The following AVEN variants were observed in gnomAD, a reference collection of about 807,000 sequenced individuals.
AVEN encodes the protein apoptosis and caspase activation inhibitor, also known as cell death regulator Aven.
AVEN carries 41 observed loss-of-function variants against 38.1 expected under a neutral mutation model. That is an observed-to-expected ratio of 1.08 (90% CI 0.84 to 1.40). The LOEUF (loss-of-function observed/expected upper bound fraction) is 1.40. Among genes scored for constraint, AVEN ranks in the 40% most tolerant of loss-of-function variants. AVEN has a pLI of 0.00. For missense variants in AVEN, 605 were observed against 438.8 expected (o/e 1.38, Z -3.38); for synonymous variants, 206 against 171.8 (o/e 1.20, Z -1.56).
intron 2 of AVEN, among the ~76,000 whole-genome samples, chr15:33,885,990 A>C (rs1006816070): frequency 6.6e-6 from 1 of 152,202 alleles, no homozygotes; most frequent in Non-Finnish European, 1.5e-5. Context: ...AAGCTGAATA[A>C]ATAAGGGAAT....
At chr15:33,881,872 C>T (rs1891498916) in intron 2 of AVEN, among the ~76,000 whole-genome samples, 1 of 152,096 alleles carries the variant, frequency 6.6e-6, no homozygotes, top group Non-Finnish European at 1.5e-5. Context: ...GTGGATCTGA[C>T]TAAAAGGTAT....
At chr15:34,009,524 T>C (rs1359290650) in intron 1 of AVEN, among the ~76,000 whole-genome samples, 1 of 152,122 alleles carries the variant, frequency 6.6e-6, no homozygotes. Context: ...TCACTTTAGA[T>C]TCAAAGATAC....
At chr15:33,961,831 A>G (rs997021271) in intron 2 of AVEN, among the ~76,000 whole-genome samples, 12 of 150,924 alleles carry the variant, frequency 8.0e-5, no homozygotes, top group East Asian at 1.9e-4. Flanking sequence ...AAAAAAAAAA[A>G]AAAAAAAGAA....
chr15:33,973,479 G>A (rs1428178351), intron 2 of AVEN, among the ~76,000 whole-genome samples: 1 of 152,136 alleles, frequency 6.6e-6, no homozygotes, highest in African/African-American at 2.4e-5. Context: ...AATACCTACA[G>A]AAGAGCTTCT....
intron 1 of AVEN, among the ~76,000 whole-genome samples, chr15:34,008,909 T>C (rs1274571966): frequency 1.4e-5 from 2 of 147,980 alleles, no homozygotes. Context: ...ACCCACTCCA[T>C]TTTGTTAAGA....
chr15:33,855,702 TATACACATA>T (rs764926931), downstream of AVEN, among the ~76,000 whole-genome samples: 77 of 152,302 alleles, frequency 5.1e-4, no homozygotes, highest in Admixed American at 8.5e-4. Context: ...ATATGGTTGT[TATACACATA>T]GTACACATTT....
downstream of AVEN, among the ~76,000 whole-genome samples, chr15:33,861,348 C>T (rs989349612): frequency 1.3e-5 from 2 of 152,136 alleles, no homozygotes; most frequent in East Asian, 1.9e-4. Context: ...GTGTGATAGA[C>T]GTGTGTTGTG....
chr15:33,954,314 A>ACT (rs1398688415), intron 2 of AVEN, among the ~76,000 whole-genome samples: 1 of 152,264 alleles, frequency 6.6e-6, no homozygotes, highest in Non-Finnish European at 1.5e-5. Flanking sequence ...ATATACCCAA[A>ACT]GGATTATAAA....
At chr15:33,878,594 T>G (rs1891352228) in intron 2 of AVEN, among the ~76,000 whole-genome samples, 1 of 152,182 alleles carries the variant, frequency 6.6e-6, no homozygotes, top group South Asian at 2.1e-4. Context: ...TGAAAAAATT[T>G]TAATACATAA....
At chr15:34,007,372 C>T (rs1392242489) in intron 1 of AVEN, among the ~76,000 whole-genome samples, 1 of 152,184 alleles carries the variant, frequency 6.6e-6, no homozygotes, top group Non-Finnish European at 1.5e-5. Flanking sequence ...AACAGAAGAG[C>T]CGACGGCCCC....
At chr15:33,940,536 G>A (rs1894274822) in intron 2 of AVEN, among the ~76,000 whole-genome samples, 1 of 151,926 alleles carries the variant, frequency 6.6e-6, no homozygotes, top group Non-Finnish European at 1.5e-5. Flanking sequence ...GTCTTTGCAA[G>A]ATGTGAAATT....
chr15:33,935,059 G>A (rs560295422), intron 2 of AVEN, among the ~76,000 whole-genome samples: 2 of 152,216 alleles, frequency 1.3e-5, no homozygotes, highest in African/African-American at 2.4e-5. Context: ...GCTCTTTCCC[G>A]GGGTGGAACG....
chr15:33,865,490 T>G (rs890656221), downstream of AVEN: 7 of 410,194 alleles, frequency 1.7e-5, no homozygotes, highest in Non-Finnish European at 2.6e-5. Flanking sequence ...CTTCAAGTTT[T>G]CCAGTTCTGA....
intron 2 of AVEN, among the ~76,000 whole-genome samples, chr15:33,946,106 G>A (rs944859929): frequency 6.6e-6 from 1 of 152,136 alleles, no homozygotes; most frequent in South Asian, 2.1e-4. Flanking sequence ...GAAGGGCCCA[G>A]CTTCTGGTTA....
intron 5 of AVEN, among the ~76,000 whole-genome samples, chr15:34,044,668 T>G (rs1899619173): frequency 6.6e-6 from 1 of 152,190 alleles, no homozygotes; most frequent in African/African-American, 2.4e-5. Flanking sequence ...CCCCATAGCC[T>G]GTGGCAGGAG....
intron 2 of AVEN, among the ~76,000 whole-genome samples, chr15:33,963,819 C>T (rs1329407980): frequency 1.6e-5 from 2 of 125,732 alleles, no homozygotes; most frequent in Non-Finnish European, 1.8e-5. Context: ...AAAAAGAAAA[C>T]GAACAAACAA....
At chr15:34,056,363 T>C (rs931113681) in intron 5 of AVEN, among the ~76,000 whole-genome samples, 1 of 152,232 alleles carries the variant, frequency 6.6e-6, no homozygotes, top group Admixed American at 6.5e-5. Context: ...CATTGTTTTT[T>C]ACTAAAATGC....
upstream of AVEN, among the ~76,000 whole-genome samples, chr15:34,042,396 G>GTTTTTTT (rs35456951): frequency 7.7e-6 from 1 of 130,386 alleles, no homozygotes; most frequent in African/African-American, 3.0e-5. Context: ...CATGACCTAA[G>GTTTTTTT]TTTTTTTTTT....
downstream of AVEN, chr15:33,865,811 TTA>T (rs998263414): frequency 9.8e-5 from 15 of 152,902 alleles, no homozygotes; most frequent in African/African-American, 1.7e-4. Context: ...TGCAAGTTTT[TTA>T]TGTTTGTGTT....
Sources: gnomAD v4.1 joint callset for allele counts (sites outside exome capture counted in the v4.1 genomes callset) on GRCh38, gnomAD v4.1.1 for gene constraint, MANE v1.5 for transcripts, NCBI Gene and HGNC (gene_info 2026-07-23, HGNC 2026-07-21) for gene names.